The following ANK1 variants were observed in gnomAD, a reference collection of about 807,000 sequenced individuals.
ANK1 encodes the protein ankyrin-1.
Under a neutral mutation model 210.4 loss-of-function variants are expected in ANK1, and 51 were observed. The ratio of observed to expected loss-of-function variants is 0.24; its 90% CI spans 0.19 to 0.31. The LOEUF (loss-of-function observed/expected upper bound fraction) is 0.31, where lower values mean the gene tolerates loss of function less well. Among genes scored for constraint, ANK1 ranks in the 10% least tolerant of loss-of-function variants. ANK1 has a pLI of 1.00. For missense variants in ANK1, 2,051 were observed against 2,504.4 expected (o/e 0.82, Z 3.86); for synonymous variants, 967 against 1,025.9 (o/e 0.94, Z 1.10).
rs150187284 is a variant in ANK1, at chr8:41,866,859, A to G, written c.126+29496T>C. 3.3e-5 allele frequency among the ~76,000 whole-genome samples: 5 copies of G among 152,184 alleles called. No homozygotes were observed. In the East Asian group the frequency reaches 9.6e-4, roughly 29 times the overall value. ...CATTTTCTTTATCCACTCACCCATC[A>G]ATGGACACTTGGATTGCTTCCACCT... On this transcript the variant is annotated intron_variant, in intron 1 of 42. Transcript: ENST00000265709.
rs969728268 is a variant in ANK1 at position 41,661,303 on chromosome 8, G to A, written c.*36+127C>T. 3.9e-5 allele frequency: 55 copies of A among 1,396,250 alleles called. No individual in the cohort carries two copies. In the East Asian group the frequency reaches 5.2e-4, roughly 13 times the overall value. The allele number at this position is 1,396,250 out of a possible 1,614,324, so 86.5% of individuals were successfully genotyped here. A position where few individuals can be genotyped will look rare whatever the true frequency, so the allele number is the denominator to read the frequency against. ...GTTGGGAAGTGAGAATCTCTGCCTC[G>A]AGACACAACAACAAGTTGTTTGTCC... is the stretch of plus-strand genomic sequence containing the variant. On this transcript the variant is annotated intron_variant, in intron 42 of 42. Coordinates refer to ENST00000289734, the MANE Select transcript of ANK1 (RefSeq NM_000037.4).
At chr8:41,759,737 C>T (rs555208025) in intron 1 of ANK1, among the ~76,000 whole-genome samples, 3 of 152,130 alleles carry the variant, frequency 2.0e-5, no homozygotes, top group South Asian at 2.1e-4. Flanking sequence ...CCACAGATAC[C>T]GAAGGATGAC....
In ANK1 at chr8:41,725,954, G is replaced by A; in HGVS notation, c.427-8C>T. 2 of 1,612,828 alleles carry A rather than the reference G, an allele frequency of 1.2e-6. No homozygotes were observed. Among genetic ancestry groups the A allele is most frequent in the South Asian group, 1.1e-5 (1 of 90,912 alleles). On this transcript the variant is annotated splice_region_variant and splice_polypyrimidine_tract_variant and intron_variant, in intron 5 of 42. Transcript: ENST00000289734. Reference sequence around the variant, plus strand: ...CAGAGGCGTGAAGCCGTCCTGGCCAGAGGAGGAAAATGCTTTGCTCTGACT... The same window carrying A: ...CAGAGGCGTGAAGCCGTCCTGGCCAAAGGAGGAAAATGCTTTGCTCTGACT...
Position 41,661,958 on chromosome 8 carries a change from A to G in ANK1, c.5479-17T>C, listed in dbSNP as rs142836307. ...GCGAATGATCTAGGAAAGGAAGGGA[A>G]GGAGGAAAGGGCTGGTCAGGCCGGG... On this transcript the variant is annotated splice_polypyrimidine_tract_variant and intron_variant, in intron 40 of 42. Transcript: ENST00000289734. 2.2e-3 allele frequency: 3,542 copies of G among 1,613,220 alleles called. 19 individuals are homozygous for G. The highest frequency in any genetic ancestry group is 0.011 in the South Asian group (1,046 of 91,084).
At chr8:41,884,867 A>G (rs1563963366) in intron 1 of ANK1, among the ~76,000 whole-genome samples, 1 of 151,876 alleles carries the variant, frequency 6.6e-6, no homozygotes, top group Non-Finnish European at 1.5e-5. Flanking sequence ...GATGAGGGGG[A>G]ATCAGACTGA....
At chr8:41,813,420 A>G (rs1421129115) in intron 1 of ANK1, among the ~76,000 whole-genome samples, 1 of 152,190 alleles carries the variant, frequency 6.6e-6, no homozygotes, top group African/African-American at 2.4e-5. Flanking sequence ...TTAGAGGTAG[A>G]TAAACATCTC....
chr8:41,723,166 T>A lies in ANK1; in HGVS notation c.868A>T (p.Ile290Phe). The A allele has an allele frequency of 6.2e-7, 1 of 1,614,114 alleles. No homozygotes were observed. The highest frequency in any genetic ancestry group is 8.5e-7 in the Non-Finnish European group (1 of 1,180,022). The stretch of plus-strand genomic sequence containing the variant: ...ATTGGTGCCCCGTGGTCCAGCAGGA[T>A]CTCTGAGATTCGCACGTGCCCATTT... ...ARNGHVRISE[I>F]LLDHGAPIQA... The change falls in exon 9 of 43, where the codon ATC becomes TTC. Residue 290 changes from isoleucine to phenylalanine, a missense_variant. By Grantham distance (21) the Ile-to-Phe change is conservative (BLOSUM62 0). Around this residue, in one of 6 missense-constraint regions of ANK1, gnomAD observed 1,413 missense variants for 1,707.4 expected, o/e 0.83. Transcript: ENST00000289734.
chr8:41,700,492 A>G, intron 22 of ANK1: 1 of 1,605,552 alleles, frequency 6.2e-7, no homozygotes, highest in South Asian at 1.1e-5. Flanking sequence ...AAGAAGGACC[A>G]CATTGAAGGC....
chr8:41,767,308 C>T (rs1842051856), intron 1 of ANK1, among the ~76,000 whole-genome samples: 1 of 151,204 alleles, frequency 6.6e-6, no homozygotes, highest in Admixed American at 6.6e-5. Flanking sequence ...CGCCCCGGCC[C>T]CGGCCGGGCA....
At chr8:41,684,878 CT>C (rs1817261979) in intron 36 of ANK1, among the ~76,000 whole-genome samples, 188 bp from the exon 37 acceptor site, 1 of 152,144 alleles carries the variant, frequency 6.6e-6, no homozygotes, top group South Asian at 2.1e-4. Flanking sequence ...TTCAGCAGAT[CT>C]TTTCCAAATG....
chr8:41,690,336 C>A lies in ANK1; in HGVS notation c.3995G>T (p.Ser1332Ile). 1 of 1,614,264 alleles carries A rather than the reference C, an allele frequency of 6.2e-7. No homozygotes were observed. The highest frequency in any genetic ancestry group is 8.5e-7 in the Non-Finnish European group (1 of 1,180,050). ...CAGGGACCCTCCCGGCTCTCGACTGCTGTCCCTCACCTAAACTCAATCACA... is the reference window on the plus strand; with the variant it reads ...CAGGGACCCTCCCGGCTCTCGACTGATGTCCCTCACCTAAACTCAATCACA... ...RLAMPVKVRD[S>I]SREPGGSLSF... Residue 1332 changes from serine (S) to isoleucine (I), a missense_variant, in exon 33 of 43, where the codon AGC becomes ATC. Coordinates refer to ENST00000289734, the MANE Select transcript of ANK1 (RefSeq NM_000037.4).
At position 41,888,185 on chromosome 8, in the gene ANK1, A is replaced by C. The variant is rs535573179; in HGVS notation, c.126+8170T>G. On this transcript the variant is annotated intron_variant, in intron 1 of 42. Transcript: ENST00000265709. ...AGAGCCCCAGGAAGCCACCTATGCC[A>C]CATGCCAAGAAGGACTCACCATCTT... 7.2e-5 allele frequency among the ~76,000 whole-genome samples: 11 copies of C among 152,300 alleles called. No individual in the cohort carries two copies. In the South Asian group the frequency reaches 2.3e-3, roughly 32 times the overall value.
In ANK1 at chr8:41,724,479, C is replaced by T; in HGVS notation, c.688G>A (p.Ala230Thr). 6.3e-7 allele frequency: 1 copy of T among 1,593,040 alleles called. No homozygotes were observed. Among genetic ancestry groups the T allele is most frequent in the Non-Finnish European group, 8.5e-7 (1 of 1,169,746 alleles). The change falls in exon 7 of 43, where the codon GCC becomes ACC. Residue 230 changes from alanine (A) to threonine (T), a missense_variant. This residue lies in a region of ANK1 where 1,413 missense variants were observed against 1,707.4 expected (regional missense o/e 0.83). Transcript: ENST00000289734. ...ACCTGTGGTGTGAAATTGACGCTGG[C>T]TCCTCTGTTGAGGAGCAACTGGGCC... ...NVAQLLLNRGASVNFTPQNGI... is the reference protein window; with the variant it reads ...NVAQLLLNRGTSVNFTPQNGI...
intron 27 of ANK1, 103 bp downstream of exon 27, chr8:41,695,074 G>A (rs983331811): frequency 1.1e-5 from 16 of 1,498,070 alleles, no homozygotes; most frequent in Middle Eastern, 1.7e-4. Flanking sequence ...AGCCTCTTGG[G>A]GCTTCCCAAA....
chr8:41,804,121 G>T (rs1307801901), intron 1 of ANK1, among the ~76,000 whole-genome samples: 1 of 152,176 alleles, frequency 6.6e-6, no homozygotes, highest in African/African-American at 2.4e-5. Flanking sequence ...TCAGGAAGTT[G>T]CCATCAAGAT....
chr8:41,692,992 C>A, intron 30 of ANK1, 113 bp downstream of exon 30: 1 of 1,514,828 alleles, frequency 6.6e-7, no homozygotes, highest in South Asian at 1.1e-5. Context: ...CCTGTGGTCA[C>A]GGAGGCTTCC....
chr8:41,687,669 G>A (rs1818079726), intron 35 of ANK1, among the ~76,000 whole-genome samples: 1 of 152,198 alleles, frequency 6.6e-6, no homozygotes, highest in Non-Finnish European at 1.5e-5. Flanking sequence ...GTCTCCGTGT[G>A]TCTTGACTTG....
chr8:41,828,167 C>T (rs1805849015), intron 1 of ANK1: 1 of 152,262 alleles, frequency 6.6e-6, no homozygotes, highest in African/African-American at 2.4e-5. Flanking sequence ...GTCGGTCCTC[C>T]AGTGCTGAAT....
rs144241290 is a variant in ANK1, at chr8:41,747,542, T to C, written c.129+10494A>G. 3.3e-3 allele frequency among the ~76,000 whole-genome samples: 506 copies of C among 152,322 alleles called. 1 individual carries two copies. Among genetic ancestry groups the C allele is most frequent in the African/African-American group, 0.011 (466 of 41,566 alleles). On this transcript the variant is annotated intron_variant, in intron 2 of 42. Coordinates refer to ENST00000289734, the MANE Select transcript of ANK1 (RefSeq NM_000037.4). ...CAAAGGCCTGAATTCTTTGAGATCC[T>C]GTGTTTTGCTCACCTTGGTAATCAG...
Sources: gnomAD v4.1 joint callset for allele counts (sites outside exome capture counted in the v4.1 genomes callset) on GRCh38, gnomAD v4.1.1 for gene constraint, gnomAD v4.1.1 regional missense constraint, MANE v1.5 for transcripts, NCBI Gene and HGNC (gene_info 2026-07-23, HGNC 2026-07-21) for gene names.